TNRC6A: variants seen among roughly 807,000 people sequenced by gnomAD.
TNRC6A encodes trinucleotide repeat containing adaptor 6A, also known as trinucleotide repeat-containing gene 6A protein.
In TNRC6A, 44 loss-of-function variants were observed where a neutral mutation model predicts 221.2. The observed-to-expected ratio is 0.20, with a 90% CI of 0.16 to 0.26. The LOEUF (loss-of-function observed/expected upper bound fraction) is 0.26. Among genes scored for constraint, TNRC6A ranks in the 10% least tolerant of loss-of-function variants. The pLI, the probability that TNRC6A is intolerant of heterozygous loss-of-function variation, is 1.00. For missense variants in TNRC6A, 2,199 were observed against 2,404.4 expected (o/e 0.91, Z 1.79); for synonymous variants, 847 against 838.5 (o/e 1.01, Z -0.18).
intron 17 of TNRC6A, among the ~76,000 whole-genome samples, chr16:24,809,057 T>C (rs981699387): frequency 6.6e-6 from 1 of 152,202 alleles, no homozygotes; most frequent in Non-Finnish European, 1.5e-5. Flanking sequence ...TGACCACAGA[T>C]CTTCATGCAT....
intron 2 of TNRC6A, among the ~76,000 whole-genome samples, chr16:24,703,628 C>A (rs2056032727): frequency 6.6e-6 from 1 of 152,204 alleles, no homozygotes; most frequent in African/African-American, 2.4e-5. Context: ...TTTATACCTT[C>A]ATTCATTGAT....
At chr16:24,698,989 G>T (rs903211199) in intron 2 of TNRC6A, among the ~76,000 whole-genome samples, 3 of 152,172 alleles carry the variant, frequency 2.0e-5, no homozygotes, top group Admixed American at 6.6e-5. Context: ...GATTACAGGG[G>T]TGTGCCAACA....
intron 4 of TNRC6A, among the ~76,000 whole-genome samples, chr16:24,761,343 T>C (rs1049174604): frequency 6.6e-6 from 1 of 152,256 alleles, no homozygotes. Context: ...AATATGTCTC[T>C]TACGAGTATG....
rs1445340431 is a variant in TNRC6A at position 24,614,997 on chromosome 16, G to A, written n.276+4513G>A. On this transcript the variant is annotated intron_variant and non_coding_transcript_variant, in intron 1 of 2. Coordinates refer to the TNRC6A transcript ENST00000566108. ...AGAGAATTGCTTGAACCCAGGAGGC[G>A]GAGGTTGCAGTGAGCTGAGATCTCC... is the stretch of plus-strand genomic sequence containing the variant. 6.6e-5 allele frequency among the ~76,000 whole-genome samples: 10 copies of A among 152,124 alleles called. 1 individual carries two copies. Among genetic ancestry groups the A allele is most frequent in the African/African-American group, 1.9e-4 (8 of 41,420 alleles).
chr16:24,685,594 C>T (rs1258325885), intron 2 of TNRC6A, among the ~76,000 whole-genome samples: 1 of 152,174 alleles, frequency 6.6e-6, no homozygotes, highest in East Asian at 1.9e-4. Flanking sequence ...CTGCCTTGGC[C>T]TCCCAAAGTG....
At chr16:24,642,572 C>T (rs560214925) in intron 2 of TNRC6A, among the ~76,000 whole-genome samples, 6 of 152,148 alleles carry the variant, frequency 3.9e-5, no homozygotes, top group Non-Finnish European at 8.8e-5. Context: ...AATCCCAGCA[C>T]TTTGGGAGGC....
intron 5 of TNRC6A, among the ~76,000 whole-genome samples, chr16:24,777,712 G>T (rs1218170959): frequency 6.6e-6 from 1 of 152,134 alleles, no homozygotes; most frequent in African/African-American, 2.4e-5. Context: ...ACAACGTTGT[G>T]AGACTGAGTT....
Position 24,793,610 on chromosome 16 carries a change from G to A in TNRC6A, c.3313G>A (p.Gly1105Ser). The A allele has an allele frequency of 1.9e-6, 3 of 1,552,348 alleles. No homozygotes were observed. Reference sequence around the variant, plus strand: ...TGCGGCATCCAGCACATCCACGTGGGGCTCCAGCTCTGTTGGTCCACAAGC... The same window carrying A: ...TGCGGCATCCAGCACATCCACGTGGAGCTCCAGCTCTGTTGGTCCACAAGC... ...IAAASSTSTWGSSSVGPQALS... is the reference protein window; with the variant it reads ...IAAASSTSTWSSSSVGPQALS... The change falls in exon 7 of 25, where the codon GGC becomes AGC. Residue 1105 changes from glycine to serine, a missense_variant. By Grantham distance (56) the Gly-to-Ser change is moderately conservative (BLOSUM62 0). Transcript: ENST00000395799.
chr16:24,773,161 T>A (rs2057648703), intron 4 of TNRC6A, among the ~76,000 whole-genome samples: 1 of 152,210 alleles, frequency 6.6e-6, no homozygotes, highest in African/African-American at 2.4e-5. Flanking sequence ...GTGCGGGTGT[T>A]TTCCCCCTTC....
intron 2 of TNRC6A, among the ~76,000 whole-genome samples, chr16:24,746,617 A>G (rs1567417331): frequency 6.6e-6 from 1 of 152,138 alleles, no homozygotes; most frequent in Non-Finnish European, 1.5e-5. Flanking sequence ...TTCCTTTTTC[A>G]GAGGCTTAGA....
At chr16:24,812,877 CTTTTTTTTTTTT>C (rs71383720) in intron 18 of TNRC6A, among the ~76,000 whole-genome samples, 5 of 74,992 alleles carry the variant, frequency 6.7e-5, no homozygotes, top group East Asian at 4.5e-4. Context: ...ACCTCTTGGG[CTTTTTTTTTTTT>C]TTTTTTTTTT....
chr16:24,789,978 A>G lies in TNRC6A; in HGVS notation c.1336A>G (p.Ile446Val). ...KVSFSGQPQN[I>V]TTEMTGPNNT... Reference sequence around the variant, plus strand: ...TTCATTCAGTGGTCAACCTCAAAATATTACCACTGAAATGACTGGACCAAA... The same window carrying G: ...TTCATTCAGTGGTCAACCTCAAAATGTTACCACTGAAATGACTGGACCAAA... Residue 446 changes from isoleucine to valine, a missense_variant, in exon 6 of 25, where the codon ATT becomes GTT. Around this residue, in one of 8 missense-constraint regions of TNRC6A, gnomAD observed 1,405 missense variants for 1,400.2 expected, o/e 1.00. Transcript: ENST00000395799. 6.2e-7 allele frequency: 1 copy of G among 1,614,178 alleles called. No homozygotes were observed. Among genetic ancestry groups the G allele is most frequent in the African/African-American group, 1.3e-5 (1 of 75,054 alleles).
intron 2 of TNRC6A, among the ~76,000 whole-genome samples, chr16:24,673,935 C>T (rs1283451052): frequency 6.6e-6 from 1 of 152,190 alleles, no homozygotes; most frequent in East Asian, 1.9e-4. Context: ...AAGTCCTCAC[C>T]CTCGTGCAGC....
In TNRC6A at chr16:24,789,929, T is replaced by C. The variant is rs1193149073; in HGVS notation, c.1287T>C (p.Ser429=). The C allele has an allele frequency of 6.2e-7, 1 of 1,613,844 alleles. No homozygotes were observed. The highest frequency in any genetic ancestry group is 2.2e-5 in the East Asian group (1 of 44,888). ...GAAGCCTTCAGGAAACTTGTGAATC[T>C]GAAGTAAGTGGTACACAGAAGGTTT... ...TWGSLQETCE[S]EVSGTQKVSF... The change falls in exon 6 of 25, where the codon TCT becomes TCC. Residue 429 remains serine, a synonymous_variant. Transcript: ENST00000395799.
At chr16:24,815,327 TC>T in intron 19 of TNRC6A, 22 bp downstream of exon 19, 1 of 1,612,968 alleles carries the variant, frequency 6.2e-7, no homozygotes, top group South Asian at 1.1e-5. Context: ...TCTAACACTT[TC>T]TTTCATGAGA....
chr16:24,747,731 C>A (rs571791986), intron 2 of TNRC6A, among the ~76,000 whole-genome samples: 2 of 152,214 alleles, frequency 1.3e-5, no homozygotes, highest in East Asian at 3.9e-4. Context: ...AAAACTTACT[C>A]CCCTCTGTGC....
chr16:24,713,069 G>C (rs1045349178), intron 2 of TNRC6A, among the ~76,000 whole-genome samples: 1 of 152,006 alleles, frequency 6.6e-6, no homozygotes, highest in Non-Finnish European at 1.5e-5. Context: ...GTATGCCACT[G>C]TGCCAGCCCA....
At chr16:24,734,549 A>G (rs1297476979) in intron 2 of TNRC6A, among the ~76,000 whole-genome samples, 1 of 152,194 alleles carries the variant, frequency 6.6e-6, no homozygotes, top group Non-Finnish European at 1.5e-5. Context: ...TGACTTCTTC[A>G]TTTCTCAAGT....
chr16:24,721,623 G>A (rs913434769), intron 2 of TNRC6A, among the ~76,000 whole-genome samples: 1 of 152,152 alleles, frequency 6.6e-6, no homozygotes, highest in African/African-American at 2.4e-5. Context: ...CCCGGACAAC[G>A]TGGCAAAACC....
Sources: allele counts gnomAD v4.1 joint callset (sites outside exome capture counted in the v4.1 genomes callset), GRCh38; gene constraint gnomAD v4.1.1; regional missense constraint gnomAD v4.1.1; transcripts MANE v1.5; gene names NCBI Gene and HGNC (gene_info 2026-07-23, HGNC 2026-07-21).